The following GPC5 variants were observed in gnomAD, a reference collection of about 807,000 sequenced individuals.
GPC5 encodes the protein glypican 5.
GPC5 carries 47 observed loss-of-function variants against 53.9 expected under a neutral mutation model. That is an observed-to-expected ratio of 0.87 (90% CI 0.69 to 1.11). GPC5 has a LOEUF of 1.11. Among genes scored for constraint, GPC5 ranks in the 50% most tolerant of loss-of-function variants. The pLI is 0.00. For synonymous variants in GPC5, 286 were observed against 263.3 expected, an observed-to-expected ratio of 1.09 and a Z score of -0.84; for missense variants, 748 against 713.1, an observed-to-expected ratio of 1.05 and a Z score of -0.56.
intron 4 of GPC5, among the ~76,000 whole-genome samples, chr13:91,749,641 T>A (rs1403668867): frequency 6.6e-6 from 1 of 152,254 alleles, no homozygotes; most frequent in African/African-American, 2.4e-5. Context: ...GGTAGTTCTA[T>A]TTTTAGTTCT....
chr13:92,434,441 ATAC>A (rs1877221185), intron 7 of GPC5, among the ~76,000 whole-genome samples: 1 of 152,174 alleles, frequency 6.6e-6, no homozygotes, highest in African/African-American at 2.4e-5. Context: ...ATAGTCCTAT[ATAC>A]TACAAGAGAA....
At chr13:92,407,238 C>A (rs867986449) in intron 7 of GPC5, among the ~76,000 whole-genome samples, 1 of 152,038 alleles carries the variant, frequency 6.6e-6, no homozygotes, top group Non-Finnish European at 1.5e-5. Flanking sequence ...GATACATAAT[C>A]CAAATTATGT....
chr13:92,364,816 G>A (rs1035291668), intron 7 of GPC5, among the ~76,000 whole-genome samples: 5 of 151,590 alleles, frequency 3.3e-5, no homozygotes, highest in Non-Finnish European at 7.4e-5. Flanking sequence ...TCCAATAAAG[G>A]ATTTAGCATT....
intron 6 of GPC5, among the ~76,000 whole-genome samples, chr13:92,044,514 G>A (rs1166155335): frequency 3.3e-5 from 5 of 152,168 alleles, no homozygotes; most frequent in East Asian, 1.9e-4. Context: ...CAAAGCTAAC[G>A]TATGTGTTTT....
At chr13:92,275,843 G>T (rs1161048454) in intron 7 of GPC5, among the ~76,000 whole-genome samples, 1 of 152,052 alleles carries the variant, frequency 6.6e-6, no homozygotes, top group Non-Finnish European at 1.5e-5. Flanking sequence ...TCAAATTCTG[G>T]AATATCATGA....
intron 5 of GPC5, among the ~76,000 whole-genome samples, chr13:91,906,387 ACTTGT>A (rs2039553451): frequency 1.3e-5 from 2 of 151,978 alleles, no homozygotes. Flanking sequence ...AATGTCTACT[ACTTGT>A]CTTATCTTTC....
chr13:92,706,810 G>A (rs1887967559), intron 7 of GPC5, among the ~76,000 whole-genome samples: 1 of 152,124 alleles, frequency 6.6e-6, no homozygotes, highest in Non-Finnish European at 1.5e-5. Flanking sequence ...CAATGTTACA[G>A]AATGAATGTT....
chr13:92,172,786 T>A (rs987684913), intron 7 of GPC5, among the ~76,000 whole-genome samples: 3 of 152,104 alleles, frequency 2.0e-5, no homozygotes, highest in Non-Finnish European at 4.4e-5. Flanking sequence ...AAACTGGAAA[T>A]GTGCAACATG....
At position 92,694,467 on chromosome 13, in the gene GPC5, A is replaced by G. The variant is rs1203414062; in HGVS notation, c.1562-171815A>G. Among the ~76,000 whole-genome samples, 4 of 152,310 alleles carry G rather than the reference A, an allele frequency of 2.6e-5. No homozygotes were observed. In the East Asian group the frequency reaches 7.8e-4, roughly 30 times the overall value. ...TTGGGAACCTAGTGTTTGCATTAGCATCCCTTGATGCAAGACATAGACTCA... is the reference window on the plus strand; with the variant it reads ...TTGGGAACCTAGTGTTTGCATTAGCGTCCCTTGATGCAAGACATAGACTCA... On this transcript the variant is annotated intron_variant, in intron 7 of 7. Coordinates refer to ENST00000377067, the MANE Select transcript of GPC5 (RefSeq NM_004466.6).
At chr13:92,806,366 G>C (rs952654312) in intron 7 of GPC5, among the ~76,000 whole-genome samples, 1 of 151,978 alleles carries the variant, frequency 6.6e-6, no homozygotes, top group East Asian at 1.9e-4. Context: ...ACTACCCGAC[G>C]TTTTCTACCT....
intron 7 of GPC5, among the ~76,000 whole-genome samples, chr13:92,323,381 A>G (rs933071464): frequency 1.3e-5 from 2 of 150,796 alleles, no homozygotes; most frequent in East Asian, 3.9e-4. Flanking sequence ...TATGTTGTGC[A>G]TATATATGTA....
chr13:91,821,028 A>T (rs1344677436), intron 5 of GPC5, among the ~76,000 whole-genome samples: 35 of 152,122 alleles, frequency 2.3e-4, no homozygotes, highest in Admixed American at 2.0e-3. Context: ...TTTTTAAATT[A>T]TGTTGTCAAA....
At chr13:91,802,092 A>T (rs1048487695) in intron 5 of GPC5, among the ~76,000 whole-genome samples, 1 of 152,238 alleles carries the variant, frequency 6.6e-6, no homozygotes, top group African/African-American at 2.4e-5. Context: ...CAAAAGACAT[A>T]GTGTGTCTGG....
chr13:92,155,497 G>A (rs1470028514), intron 7 of GPC5, among the ~76,000 whole-genome samples: 1 of 151,992 alleles, frequency 6.6e-6, no homozygotes, highest in African/African-American at 2.4e-5. Context: ...ATTTTTCTAG[G>A]AGGCTTTTAT....
chr13:92,733,386 A>G (rs917316426), intron 7 of GPC5, among the ~76,000 whole-genome samples: 2 of 151,620 alleles, frequency 1.3e-5, no homozygotes, highest in Admixed American at 6.6e-5. Flanking sequence ...TTTGTTTTCA[A>G]ATAGTTTGTC....
chr13:91,879,278 G>A (rs7317730), intron 5 of GPC5, among the ~76,000 whole-genome samples: 2,495 of 152,206 alleles, frequency 0.016, 37 homozygotes, highest in African/African-American at 0.041. Flanking sequence ...TAGTAAAAGT[G>A]TGCATCAGTT....
At chr13:92,734,182 T>C (rs556550735) in intron 7 of GPC5, among the ~76,000 whole-genome samples, 2 of 151,930 alleles carry the variant, frequency 1.3e-5, no homozygotes, top group South Asian at 2.1e-4. Flanking sequence ...TTTCTTCTTA[T>C]AGAAAGGATG....
chr13:91,504,806 T>C (rs1302682022), intron 2 of GPC5, among the ~76,000 whole-genome samples: 7 of 151,822 alleles, frequency 4.6e-5, no homozygotes, highest in African/African-American at 1.7e-4. Context: ...AAAAAATAAT[T>C]AGCTGGGCAT....
At chr13:92,683,209 A>G (rs1017476927) in intron 7 of GPC5, among the ~76,000 whole-genome samples, 1 of 152,214 alleles carries the variant, frequency 6.6e-6, no homozygotes, top group Non-Finnish European at 1.5e-5. Context: ...AAAAGAAAAA[A>G]TGATTTAGAA....
Sources: allele counts gnomAD v4.1 joint callset (sites outside exome capture counted in the v4.1 genomes callset), GRCh38; gene constraint gnomAD v4.1.1; transcripts MANE v1.5; gene names NCBI Gene and HGNC (gene_info 2026-07-23, HGNC 2026-07-21).